Variants in LRMDA observed in about 807,000 individuals in gnomAD.
LRMDA encodes leucine rich melanocyte differentiation associated, also known as leucine-rich melanocyte differentiation-associated protein.
Under a neutral mutation model 29.8 loss-of-function variants are expected in LRMDA, and 18 were observed. The ratio of observed to expected loss-of-function variants is 0.60; its 90% CI spans 0.42 to 0.90. The LOEUF is 0.90. Ranked by LOEUF, LRMDA falls within the 40% of genes least tolerant of loss-of-function variation. The pLI is 0.00. For missense variants in LRMDA, 273 were observed against 273.9 expected (o/e 1.00, Z 0.02); for synonymous variants, 125 against 109.4 (o/e 1.14, Z -0.89).
At chr10:75,837,770 A>T (rs1844466184) in intron 2 of LRMDA, among the ~76,000 whole-genome samples, 2 of 152,248 alleles carry the variant, frequency 1.3e-5, no homozygotes, top group South Asian at 4.1e-4. Flanking sequence ...TAAAAAAAAA[A>T]ATTCCAAGGC....
intron 6 of LRMDA, among the ~76,000 whole-genome samples, chr10:76,503,189 G>T (rs191893575): frequency 1.1e-3 from 168 of 151,962 alleles, no homozygotes; most frequent in African/African-American, 4.0e-3. Context: ...TTATGTGATG[G>T]ATCACATTTA....
At chr10:76,086,851 T>C (rs959454767) in intron 5 of LRMDA, among the ~76,000 whole-genome samples, 1 of 152,158 alleles carries the variant, frequency 6.6e-6, no homozygotes, top group African/African-American at 2.4e-5. Context: ...GGCATCTCAG[T>C]ATATTTAGCA....
chr10:75,808,750 C>T (rs754585625), intron 2 of LRMDA, among the ~76,000 whole-genome samples: 3 of 152,102 alleles, frequency 2.0e-5, no homozygotes, highest in Non-Finnish European at 4.4e-5. Flanking sequence ...CCTCATGATC[C>T]GCCCACCTCG....
intron 3 of LRMDA, among the ~76,000 whole-genome samples, chr10:76,038,837 A>G (rs1021249340): frequency 6.6e-6 from 1 of 152,332 alleles, no homozygotes; most frequent in East Asian, 1.9e-4. Context: ...GGCTTAAAAC[A>G]ACAAATATTT....
At chr10:76,257,042 TA>T (rs1169664085) in intron 5 of LRMDA, among the ~76,000 whole-genome samples, 5 of 152,182 alleles carry the variant, frequency 3.3e-5, no homozygotes, top group Non-Finnish European at 7.4e-5. Context: ...TTTTAATATT[TA>T]AAACAATAAA....
intron 2 of LRMDA, among the ~76,000 whole-genome samples, chr10:75,727,307 ATG>A (rs2132194034): frequency 6.6e-6 from 1 of 152,254 alleles, no homozygotes; most frequent in East Asian, 1.9e-4. Flanking sequence ...GAGCGTGTGT[ATG>A]TGTGTTTGGG....
intron 2 of LRMDA, among the ~76,000 whole-genome samples, chr10:75,696,596 A>G (rs1842237944): frequency 6.6e-6 from 1 of 152,232 alleles, no homozygotes; most frequent in Admixed American, 6.5e-5. Flanking sequence ...TGAAGAGTAT[A>G]ATAATTGAGT....
chr10:75,783,387 T>C (rs1843417575), intron 2 of LRMDA, among the ~76,000 whole-genome samples: 1 of 151,902 alleles, frequency 6.6e-6, no homozygotes, highest in African/African-American at 2.4e-5. Context: ...GTGTAGCACA[T>C]TTTACAAGCT....
At chr10:75,595,166 A>G (rs1261467092) in intron 2 of LRMDA, among the ~76,000 whole-genome samples, 1 of 152,146 alleles carries the variant, frequency 6.6e-6, no homozygotes, top group Non-Finnish European at 1.5e-5. Context: ...TGAAATTCCA[A>G]CCTGATTTTA....
intron 6 of LRMDA, among the ~76,000 whole-genome samples, chr10:76,550,732 G>A (rs1025747853): frequency 1.3e-5 from 2 of 152,074 alleles, no homozygotes; most frequent in African/African-American, 2.4e-5. Context: ...CAGATGTGCG[G>A]CAGATGAAGG....
intron 2 of LRMDA, among the ~76,000 whole-genome samples, chr10:75,618,534 A>G (rs944052426): frequency 7.0e-5 from 10 of 143,848 alleles, no homozygotes; most frequent in Non-Finnish European, 1.4e-4. Context: ...TATATATTTG[A>G]CTCTTGAACA....
intron 5 of LRMDA, among the ~76,000 whole-genome samples, chr10:76,073,683 G>C (rs1848911175): frequency 6.6e-6 from 1 of 152,098 alleles, no homozygotes; most frequent in African/African-American, 2.4e-5. Context: ...AGGATTCCAG[G>C]GTGCCATTTT....
intron 5 of LRMDA, among the ~76,000 whole-genome samples, chr10:76,158,193 G>A (rs1225493812): frequency 7.8e-6 from 1 of 128,058 alleles, no homozygotes; most frequent in Non-Finnish European, 1.8e-5. Flanking sequence ...TTATGTCCTA[G>A]GGACTTTGAT....
intron 5 of LRMDA, among the ~76,000 whole-genome samples, chr10:76,316,845 A>C (rs995412582): frequency 6.6e-6 from 1 of 152,226 alleles, no homozygotes; most frequent in South Asian, 2.1e-4. Flanking sequence ...GATAAAGATA[A>C]TTATTTGTTT....
At chr10:76,179,033 G>T (rs1850992944) in intron 5 of LRMDA, among the ~76,000 whole-genome samples, 1 of 152,196 alleles carries the variant, frequency 6.6e-6, no homozygotes, top group South Asian at 2.1e-4. Context: ...AGGCACAGAA[G>T]AATTTCTGGT....
At chr10:76,080,035 G>A (rs1281930223) in intron 5 of LRMDA, among the ~76,000 whole-genome samples, 1 of 152,078 alleles carries the variant, frequency 6.6e-6, no homozygotes, top group Non-Finnish European at 1.5e-5. Context: ...AACTAGATCA[G>A]TGTATGTCTC....
chr10:76,130,007 A>C (rs533135746), intron 5 of LRMDA, among the ~76,000 whole-genome samples: 30 of 152,296 alleles, frequency 2.0e-4, no homozygotes, highest in Admixed American at 6.5e-4. Context: ...ATAAAGAATA[A>C]ATGAGGTTTT....
At chr10:75,532,477 G>GGGAAAA (rs771757826) in intron 2 of LRMDA, among the ~76,000 whole-genome samples, 4 of 152,206 alleles carry the variant, frequency 2.6e-5, no homozygotes, top group Admixed American at 6.5e-5. Flanking sequence ...CTTTTCTGCT[G>GGGAAAA]TTGGGAGAGA....
chr10:76,231,011 T>A (rs929563921), intron 5 of LRMDA, among the ~76,000 whole-genome samples: 2 of 152,206 alleles, frequency 1.3e-5, no homozygotes, highest in Non-Finnish European at 2.9e-5. Context: ...TATTAGCTTG[T>A]TTGCAAAGGG....
Sources: gnomAD v4.1 joint callset for allele counts (sites outside exome capture counted in the v4.1 genomes callset) on GRCh38, gnomAD v4.1.1 for gene constraint, MANE v1.5 for transcripts, NCBI Gene and HGNC (gene_info 2026-07-23, HGNC 2026-07-21) for gene names.